The following PCDHGA2 variants were observed in gnomAD, a reference collection of about 807,000 sequenced individuals.
The protein encoded by PCDHGA2 is protocadherin gamma subfamily A, 2.
PCDHGA2 carries 40 observed loss-of-function variants against 59.2 expected under a neutral mutation model. The ratio of observed to expected loss-of-function variants is 0.68; its 90% CI spans 0.52 to 0.88. PCDHGA2 has a LOEUF of 0.88. PCDHGA2 is among the 40% of genes least tolerant of loss of function. The probability of loss-of-function intolerance (pLI) is 0.00; values close to 1 mark genes in which losing one functional copy is unlikely to be tolerated. For synonymous variants in PCDHGA2, 560 were observed against 526.0 expected, an observed-to-expected ratio of 1.06 and a Z score of -0.89; for missense variants, 1,226 against 1,204.0, an observed-to-expected ratio of 1.02 and a Z score of -0.27.
chr5:141,384,138 AAC>A (rs758587148), intron 1 of PCDHGA2: 5 of 1,612,622 alleles, frequency 3.1e-6, no homozygotes, highest in Non-Finnish European at 4.2e-6. Flanking sequence ...TGGACCGGGA[AAC>A]ACTCTCTTTG....
chr5:141,505,618 A>G, intron 3 of PCDHGA2, 137 bp downstream of exon 3: 6 of 1,496,136 alleles, frequency 4.0e-6, no homozygotes, highest in Non-Finnish European at 5.4e-6. Flanking sequence ...GAAAGGACCC[A>G]CAATTCCAAA....
At chr5:141,389,787 G>C (rs761543632) in intron 1 of PCDHGA2, 3 of 1,613,328 alleles carry the variant, frequency 1.9e-6, no homozygotes, top group Non-Finnish European at 2.5e-6. Context: ...CGACAGGGAC[G>C]CCGTCCGCCA....
At chr5:141,426,037 G>A (rs2096911238) in intron 1 of PCDHGA2, among the ~76,000 whole-genome samples, 1 of 152,176 alleles carries the variant, frequency 6.6e-6, no homozygotes, top group South Asian at 2.1e-4. Flanking sequence ...TCAGAGCCCT[G>A]CTGTTGGCCA....
intron 1 of PCDHGA2, chr5:141,410,202 A>C (rs766392835): frequency 1.3e-5 from 21 of 1,614,018 alleles, no homozygotes; most frequent in Non-Finnish European, 1.6e-5. Context: ...TTCGCAGACA[A>C]CTTGCAAGAG....
rs767580455 is a variant in PCDHGA2 at position 141,402,948 on chromosome 5, C to G, written c.2424+61553C>G. The G allele has an allele frequency of 7.5e-6, 12 of 1,592,864 alleles. No individual in the cohort carries two copies. In the African/African-American group the frequency reaches 1.2e-4, roughly 16 times the overall value. On this transcript the variant is annotated intron_variant, in intron 1 of 3. Transcript: ENST00000394576. ...CTTTTGAGAAAATTCCAAAGCGAGG[C>G]AGCAATGGCAGCTCCAACCAAATGC... is the stretch of plus-strand genomic sequence containing the variant.
intron 1 of PCDHGA2, chr5:141,355,093 G>A (rs1311251938): frequency 1.3e-6 from 2 of 1,483,574 alleles, no homozygotes; most frequent in Non-Finnish European, 1.8e-6. Flanking sequence ...GAAGCCCTGA[G>A]AGCTCTGGCT....
rs539905795 is a variant in PCDHGA2, at chr5:141,419,910, C to T, written c.2425-74897C>T. 1.5e-5 allele frequency: 25 copies of T among 1,614,086 alleles called. No individual in the cohort carries two copies. In the South Asian group the frequency reaches 2.4e-4, roughly 16 times the overall value. On this transcript the variant is annotated intron_variant, in intron 1 of 3. Coordinates refer to ENST00000394576, the MANE Select transcript of PCDHGA2 (RefSeq NM_018915.4). ...AGCGACCATCCCACACCCTCTGACT[C>T]CCAGGCTGAGATGCAGTTTTACCTG...
chr5:141,374,202 A>G, intron 1 of PCDHGA2: 1 of 1,613,868 alleles, frequency 6.2e-7, no homozygotes, highest in Non-Finnish European at 8.5e-7. Context: ...GAGGAGCTGG[A>G]GAAAGGCTCC....
chr5:141,490,111 A>G lies in PCDHGA2; in HGVS notation c.2425-4696A>G. 6.2e-7 allele frequency: 1 copy of G among 1,614,244 alleles called. No individual in the cohort carries two copies. The highest frequency in any genetic ancestry group is 8.5e-7 in the Non-Finnish European group (1 of 1,180,042). On this transcript the variant is annotated intron_variant, in intron 1 of 3. Coordinates refer to ENST00000394576, the MANE Select transcript of PCDHGA2 (RefSeq NM_018915.4). The surrounding 1 kb of genome is among the most constrained non-coding windows in gnomAD (Gnocchi z 5.4). ...AGACCACACATCTGAGGCAGTGCGGAACCTCTTTGGCCTAGACCCTAGCAG... is the reference window on the plus strand; with the variant it reads ...AGACCACACATCTGAGGCAGTGCGGGACCTCTTTGGCCTAGACCCTAGCAG...
At chr5:141,458,594 G>T (rs1226490392) in intron 1 of PCDHGA2, among the ~76,000 whole-genome samples, 1 of 151,612 alleles carries the variant, frequency 6.6e-6, no homozygotes, top group Non-Finnish European at 1.5e-5. Context: ...TTTTGGAGAC[G>T]AGTCTCACTC....
chr5:141,368,928 C>T (rs190760255), intron 1 of PCDHGA2, among the ~76,000 whole-genome samples: 45 of 152,290 alleles, frequency 3.0e-4, no homozygotes, highest in Middle Eastern at 3.4e-3. Flanking sequence ...GAGTGTCTGT[C>T]TAGAATTCTG....
rs2096271749 is a variant in PCDHGA2, at chr5:141,418,581, T to G, written c.2425-76226T>G. On this transcript the variant is annotated intron_variant, in intron 1 of 3. Coordinates refer to ENST00000394576, the MANE Select transcript of PCDHGA2 (RefSeq NM_018915.4). The stretch of plus-strand genomic sequence containing the variant: ...ATAGATGCCAATGACAACCCCCCAG[T>G]GTTCAGCCAGGACGTGTACAGGGTT... The G allele has an allele frequency of 2.5e-6, 4 of 1,613,854 alleles. No homozygotes were observed. The South Asian group carries it at 4.4e-5, about 18-fold the overall frequency.
intron 1 of PCDHGA2, among the ~76,000 whole-genome samples, chr5:141,354,139 A>G (rs539283050): frequency 1.3e-5 from 2 of 152,336 alleles, no homozygotes; most frequent in Admixed American, 1.3e-4. Context: ...GTAAAATAAT[A>G]CTGAATGTGT....
chr5:141,347,706 A>G (rs1466446378), intron 1 of PCDHGA2, among the ~76,000 whole-genome samples: 1 of 151,960 alleles, frequency 6.6e-6, no homozygotes, highest in Non-Finnish European at 1.5e-5. Context: ...AGAATTGCTT[A>G]AACCCAGGAG....
intron 1 of PCDHGA2, chr5:141,382,898 C>T (rs938652730): frequency 6.5e-7 from 1 of 1,541,064 alleles, no homozygotes. Context: ...AGCAGGACGA[C>T]TATGGCGGCT....
chr5:141,364,351 C>T (rs1194197136), intron 1 of PCDHGA2: 12 of 1,550,222 alleles, frequency 7.7e-6, no homozygotes, highest in Non-Finnish European at 9.6e-6. Context: ...CACCTAGGGG[C>T]TGGGGCTGCG....
chr5:141,415,130 A>G (rs2095833213), intron 1 of PCDHGA2: 3 of 1,613,636 alleles, frequency 1.9e-6, no homozygotes, highest in South Asian at 1.1e-5. Flanking sequence ...GCCGTCCAGG[A>G]CCACGGCCAG....
chr5:141,450,733 C>T (rs886761152), intron 1 of PCDHGA2, among the ~76,000 whole-genome samples: 24 of 152,198 alleles, frequency 1.6e-4, no homozygotes, highest in African/African-American at 5.3e-4. Context: ...GTGATCCGCC[C>T]GCCTTGGCCT....
chr5:141,423,131 A>C (rs370773437), intron 1 of PCDHGA2: 1 of 1,613,538 alleles, frequency 6.2e-7, no homozygotes. Flanking sequence ...GCACTGCTGG[A>C]CAGAGACGCG....
Sources: gnomAD v4.1 joint callset for allele counts (sites outside exome capture counted in the v4.1 genomes callset) on GRCh38, gnomAD v4.1.1 for gene constraint, Gnocchi (gnomAD v3.1) non-coding constraint, MANE v1.5 for transcripts, NCBI Gene and HGNC (gene_info 2026-07-23, HGNC 2026-07-21) for gene names.